Variants in TBCD observed in about 807,000 individuals in gnomAD.
TBCD encodes the protein tubulin-specific chaperone D.
A neutral mutation model predicts 169.3 loss-of-function variants in TBCD; 105 were observed. That is an observed-to-expected ratio of 0.62 (90% CI 0.53 to 0.73). The LOEUF (loss-of-function observed/expected upper bound fraction) is 0.73. Among genes scored for constraint, TBCD ranks in the 30% least tolerant of loss-of-function variants. The probability of loss-of-function intolerance (pLI) is 0.00; values close to 1 mark genes in which losing one functional copy is unlikely to be tolerated. For synonymous variants in TBCD, 700 were observed against 643.9 expected, an observed-to-expected ratio of 1.09 and a Z score of -1.32; for missense variants, 1,444 against 1,600.1, an observed-to-expected ratio of 0.90 and a Z score of 1.66.
chr17:82,923,777 C>T lies in TBCD; in HGVS notation c.2260+44C>T. ...TCTTGAAGACTCCAGGGGCTTCCAG[C>T]AGGAAGCTGCTGGGGAGTGTCTGGG... On this transcript the variant is annotated intron_variant, in intron 26 of 38. Transcript: ENST00000355528. This position sits in a 1 kb window ranked among gnomAD's most constrained non-coding sequence, Gnocchi z 4.6. The T allele has an allele frequency of 6.6e-7, 1 of 1,511,422 alleles. No homozygotes were observed. The highest frequency in any genetic ancestry group is 9.0e-7 in the Non-Finnish European group (1 of 1,115,664). 93.6% of individuals were successfully genotyped at this position (1,511,422 alleles called of 1,614,324 possible). A position where few individuals can be genotyped will look rare whatever the true frequency, so the allele number is the denominator to read the frequency against.
At chr17:82,909,376 G>A (rs573324317) in intron 22 of TBCD, 69 bp downstream of exon 22, 122 of 1,352,780 alleles carry the variant, frequency 9.0e-5, no homozygotes, top group Middle Eastern at 2.0e-4. Context: ...AGGAGCAGGC[G>A]GGGCGGGTGT....
intron 12 of TBCD, among the ~76,000 whole-genome samples, chr17:82,810,450 A>G (rs1218124654): frequency 6.6e-6 from 1 of 152,148 alleles, no homozygotes; most frequent in African/African-American, 2.4e-5. Flanking sequence ...CTCAGAACAA[A>G]ACTGAGTGTA....
Position 82,942,595 on chromosome 17 carries a change from C to G in TBCD, c.*132C>G. The stretch of plus-strand genomic sequence containing the variant: ...GGTAGCGCTGGCCCTTGGAGGCTGG[C>G]ACTAGCTGACAGCTTTTCCTCTCTG... On this transcript the variant is annotated 3_prime_UTR_variant, in exon 39 of 39. Coordinates refer to ENST00000355528, the MANE Select transcript of TBCD (RefSeq NM_005993.5). 3 of 1,227,296 alleles carry G rather than the reference C, an allele frequency of 2.4e-6. No individual in the cohort carries two copies. Among genetic ancestry groups the G allele is most frequent in the Non-Finnish European group, 3.5e-6 (3 of 852,402 alleles). The allele number at this position is 1,227,296 out of a possible 1,614,324, so 76.0% of individuals were successfully genotyped here.
chr17:82,752,284 G>A lies in TBCD; in HGVS notation c.91G>A (p.Gly31Ser). 3 of 1,513,768 alleles carry A rather than the reference G, an allele frequency of 2.0e-6. No individual in the cohort carries two copies. Among genetic ancestry groups the A allele is most frequent in the East Asian group, 2.7e-5 (1 of 36,946 alleles). The allele number at this position is 1,513,768 out of a possible 1,614,324, so 93.8% of individuals were successfully genotyped here. ...LAFGAALEAF[G>S]ESAETRALLG... Reference sequence around the variant, plus strand: ...CTTTGGCGCGGCGCTGGAAGCGTTCGGCGAGAGCGCGGAGACCCGGGCGCT... The same window carrying A: ...CTTTGGCGCGGCGCTGGAAGCGTTCAGCGAGAGCGCGGAGACCCGGGCGCT... Residue 31 changes from glycine (G) to serine (S), a missense_variant, in exon 1 of 39, where the codon GGC (glycine) becomes AGC (serine). Physicochemically the swap from Gly to Ser is moderately conservative, Grantham distance 56. Coordinates refer to ENST00000355528, the MANE Select transcript of TBCD (RefSeq NM_005993.5).
At chr17:82,816,662 T>C (rs1319172909) in intron 13 of TBCD, among the ~76,000 whole-genome samples, 2 of 151,928 alleles carry the variant, frequency 1.3e-5, no homozygotes, top group Non-Finnish European at 2.9e-5. Flanking sequence ...GCCTCCTGAG[T>C]AGCTGGGACC....
At chr17:82,868,486 T>C (rs1410459117) in intron 13 of TBCD, among the ~76,000 whole-genome samples, 1 of 152,238 alleles carries the variant, frequency 6.6e-6, no homozygotes, top group Non-Finnish European at 1.5e-5. Context: ...TTTCACATTC[T>C]TGATACCACG....
intron 13 of TBCD, chr17:82,830,176 ACT>A (rs2053349173): frequency 1.9e-6 from 3 of 1,613,986 alleles, no homozygotes; most frequent in Admixed American, 3.3e-5. Context: ...TAGTGTGAAC[ACT>A]CTGGCCGTGT....
In TBCD at chr17:82,938,249, T is replaced by C. The variant is rs996732587; in HGVS notation, c.3369+113T>C. On this transcript the variant is annotated intron_variant, in intron 36 of 38. Coordinates refer to ENST00000355528, the MANE Select transcript of TBCD (RefSeq NM_005993.5). Reference sequence around the variant, plus strand: ...GGTGTGCTTTCCAGCCGAGCCCCTCTCGTTAACGCGCCTGGGTGACGACGC... The same window carrying C: ...GGTGTGCTTTCCAGCCGAGCCCCTCCCGTTAACGCGCCTGGGTGACGACGC... 2.5e-6 allele frequency: 3 copies of C among 1,211,178 alleles called. No individual in the cohort carries two copies. The African/African-American group carries it at 4.5e-5, about 18-fold the overall frequency. 75.0% of individuals were successfully genotyped at this position (1,211,178 alleles called of 1,614,324 possible). A position where few individuals can be genotyped will look rare whatever the true frequency, so the allele number is the denominator to read the frequency against.
In TBCD at chr17:82,809,736, A is replaced by G. The variant is rs778006753; in HGVS notation, c.1177A>G (p.Arg393Gly). Residue 393 changes from arginine to glycine, a missense_variant, in exon 12 of 39, where the codon AGA (arginine) becomes GGA (glycine). Coordinates refer to ENST00000355528, the MANE Select transcript of TBCD (RefSeq NM_005993.5). The part of the protein sequence containing the change: ...GIGRMAGRLP[R>G]ALADDVVGSV... ...CGGTAGGATGGCTGGCAGGCTTCCC[A>G]GAGCCCTGGCGGATGATGTGGTCGG... 3 of 1,613,636 alleles carry G rather than the reference A, an allele frequency of 1.9e-6. No homozygotes were observed. Among genetic ancestry groups the G allele is most frequent in the East Asian group, 4.5e-5 (2 of 44,864 alleles).
rs1194317445 is a variant in TBCD at position 82,938,077 on chromosome 17, GAC to G, written c.3311_3312del (p.Asp1104GlyfsTer37). ...VFCEMVQFPGDVRRQALLQLC... is the reference protein window; with the variant it reads ...VFCEMVQFPGXVRRQALLQLC... ...CTGCGAGATGGTGCAGTTCCCCGGC[GAC>G]GTGAGGAGGCAGGCCCTCCTGCAGC... is the stretch of plus-strand genomic sequence containing the variant. On this transcript the variant is annotated frameshift_variant, in exon 36 of 39. Transcript: ENST00000355528. LOFTEE classifies it high-confidence loss of function. 1.2e-6 allele frequency: 2 copies of G among 1,613,064 alleles called. No individual in the cohort carries two copies. Among genetic ancestry groups the G allele is most frequent in the Non-Finnish European group, 1.7e-6 (2 of 1,179,850 alleles).
At chr17:82,794,960 C>T (rs2049997399) in intron 7 of TBCD, among the ~76,000 whole-genome samples, 1 of 152,194 alleles carries the variant, frequency 6.6e-6, no homozygotes, top group Admixed American at 6.5e-5. Flanking sequence ...TGGTGGCGGG[C>T]CCTGGCCTTG....
At chr17:82,887,430 T>C (rs2058834375) in intron 15 of TBCD, among the ~76,000 whole-genome samples, 1 of 152,114 alleles carries the variant, frequency 6.6e-6, no homozygotes, top group South Asian at 2.1e-4. Flanking sequence ...GTAGCTTTCT[T>C]CTCTCGGCAC....
Position 82,944,113 on chromosome 17 carries a change from AAAG to A in TBCD, c.*1655_*1657del, listed in dbSNP as rs778738348. On this transcript the variant is annotated 3_prime_UTR_variant, in exon 39 of 39. Transcript: ENST00000355528. ...TGATGAACTGTTCTTAGTGCAATTAAAAGAAGATTCCAGATAAATGGCATTTTA... is the reference window on the plus strand; with the variant it reads ...TGATGAACTGTTCTTAGTGCAATTAAAAGATTCCAGATAAATGGCATTTTA... 1 of 152,276 alleles carries A rather than the reference AAAG, an allele frequency of 6.6e-6. No homozygotes were observed. The highest frequency in any genetic ancestry group is 1.9e-4 in the East Asian group (1 of 5,204). The allele number at this position is 152,276 out of a possible 1,614,324, so 9.4% of individuals were successfully genotyped here.
chr17:82,784,327 G>T (rs2049151860), intron 7 of TBCD, among the ~76,000 whole-genome samples: 2 of 152,160 alleles, frequency 1.3e-5, no homozygotes, highest in Non-Finnish European at 2.9e-5. Context: ...GGCATTGCAG[G>T]TACAGATGTG....
intron 34 of TBCD, among the ~76,000 whole-genome samples, chr17:82,934,192 C>T (rs755123761): frequency 6.6e-5 from 10 of 152,222 alleles, no homozygotes; most frequent in African/African-American, 1.9e-4. Context: ...TGGAATTTCC[C>T]GCTTCTCACC....
At chr17:82,760,345 T>C (rs966899593) in intron 2 of TBCD, among the ~76,000 whole-genome samples, 1 of 152,258 alleles carries the variant, frequency 6.6e-6, no homozygotes, top group African/African-American at 2.4e-5. Flanking sequence ...GAGAAGTCTT[T>C]CTAAGATTTA....
chr17:82,927,063 C>A, intron 28 of TBCD, 123 bp from the exon 29 acceptor site: 1 of 1,376,078 alleles, frequency 7.3e-7, no homozygotes, highest in Non-Finnish European at 9.9e-7. Flanking sequence ...TCTGATCTAC[C>A]CGAGGGTCCT....
Position 82,890,722 on chromosome 17 carries a change from T to C in TBCD, c.1563+1025T>C, listed in dbSNP as rs1308535089. On this transcript the variant is annotated intron_variant, in intron 16 of 38. Coordinates refer to ENST00000355528, the MANE Select transcript of TBCD (RefSeq NM_005993.5). This position sits in a 1 kb window ranked among gnomAD's most constrained non-coding sequence, Gnocchi z 5.3. ...GGCAGCCGAGGCCCACCCAGCATCCTTGGGGTGCCGTGGGGCCTGCATGTG... is the reference window on the plus strand; with the variant it reads ...GGCAGCCGAGGCCCACCCAGCATCCCTGGGGTGCCGTGGGGCCTGCATGTG... 1.3e-5 allele frequency among the ~76,000 whole-genome samples: 2 copies of C among 152,158 alleles called. No individual in the cohort carries two copies. The highest frequency in any genetic ancestry group is 1.5e-5 in the Non-Finnish European group (1 of 68,016).
intron 13 of TBCD, among the ~76,000 whole-genome samples, chr17:82,853,536 G>T (rs1221486280): frequency 6.6e-6 from 1 of 152,010 alleles, no homozygotes; most frequent in Non-Finnish European, 1.5e-5. Context: ...ACAAGTAGCT[G>T]AGACTACAGG....
Sources: allele counts gnomAD v4.1 joint callset (sites outside exome capture counted in the v4.1 genomes callset), GRCh38; gene constraint gnomAD v4.1.1; non-coding constraint Gnocchi (gnomAD v3.1); transcripts MANE v1.5; gene names NCBI Gene and HGNC (gene_info 2026-07-23, HGNC 2026-07-21).